Variants in SORCS3 observed in about 807,000 individuals in gnomAD.
SORCS3 encodes the protein sortilin related VPS10 domain containing receptor 3.
A neutral mutation model predicts 146.3 loss-of-function variants in SORCS3; 57 were observed. The ratio of observed to expected loss-of-function variants is 0.39; its 90% CI spans 0.31 to 0.49. The LOEUF (loss-of-function observed/expected upper bound fraction) is 0.49. Among genes scored for constraint, SORCS3 ranks in the 20% least tolerant of loss-of-function variants. SORCS3 has a pLI of 0.92. For synonymous variants in SORCS3, 653 were observed against 618.5 expected, an observed-to-expected ratio of 1.06 and a Z score of -0.83; for missense variants, 1,341 against 1,575.5, an observed-to-expected ratio of 0.85 and a Z score of 2.52.
At chr10:105,080,099 G>A (rs915106858) in intron 5 of SORCS3, among the ~76,000 whole-genome samples, 2 of 152,166 alleles carry the variant, frequency 1.3e-5, no homozygotes, top group African/African-American at 4.8e-5. Context: ...TGTTTCAAAA[G>A]GTAGTTCTGT....
intron 2 of SORCS3, among the ~76,000 whole-genome samples, chr10:104,915,041 G>T (rs2019010675): frequency 1.3e-5 from 2 of 152,112 alleles, no homozygotes; most frequent in African/African-American, 4.8e-5. Flanking sequence ...GTATGGCAGG[G>T]AGGTCAACTA....
chr10:104,925,437 G>A (rs777089736), intron 3 of SORCS3, among the ~76,000 whole-genome samples: 3 of 152,128 alleles, frequency 2.0e-5, no homozygotes, highest in African/African-American at 4.8e-5. Flanking sequence ...ACTCCCCCTG[G>A]TGGCAGAAAC....
At chr10:105,207,308 A>AATAT (rs2056608545) in intron 16 of SORCS3, among the ~76,000 whole-genome samples, 1 of 150,334 alleles carries the variant, frequency 6.7e-6, no homozygotes, top group East Asian at 1.9e-4. Flanking sequence ...TATTATTTCT[A>AATAT]AACTGTCCTG....
chr10:104,796,639 T>A (rs1329944356), intron 1 of SORCS3, among the ~76,000 whole-genome samples: 1 of 152,192 alleles, frequency 6.6e-6, no homozygotes, highest in Non-Finnish European at 1.5e-5. Flanking sequence ...TAATTATAGT[T>A]AAAAAAGAAT....
At chr10:104,837,970 TG>T (rs1290773260) in intron 1 of SORCS3, among the ~76,000 whole-genome samples, 1 of 152,200 alleles carries the variant, frequency 6.6e-6, no homozygotes, top group African/African-American at 2.4e-5. Flanking sequence ...TTGTGTGCTG[TG>T]GGGGCAATTT....
At chr10:105,164,956 A>T (rs2056299861) in intron 12 of SORCS3, among the ~76,000 whole-genome samples, 1 of 152,222 alleles carries the variant, frequency 6.6e-6, no homozygotes, top group Non-Finnish European at 1.5e-5. Flanking sequence ...TGTCCAATAG[A>T]ATGTTCAGCG....
chr10:105,089,470 GAGA>G (rs1475470577), intron 5 of SORCS3, among the ~76,000 whole-genome samples: 1 of 152,158 alleles, frequency 6.6e-6, no homozygotes, highest in Non-Finnish European at 1.5e-5. Flanking sequence ...GTGCAAGATG[GAGA>G]AGGCCAGGAG....
intron 1 of SORCS3, among the ~76,000 whole-genome samples, chr10:104,660,788 C>A (rs78959207): frequency 2.2e-3 from 338 of 152,276 alleles, no homozygotes; most frequent in African/African-American, 7.8e-3. Context: ...GTAGGACAGT[C>A]CAGACATCTT....
At chr10:104,768,170 T>C (rs2017204281) in intron 1 of SORCS3, among the ~76,000 whole-genome samples, 1 of 152,224 alleles carries the variant, frequency 6.6e-6, no homozygotes, top group South Asian at 2.1e-4. Context: ...AAGTACAGCT[T>C]CTTGAGCTCC....
At chr10:105,255,252 CAT>C (rs1480785697) in intron 23 of SORCS3, among the ~76,000 whole-genome samples, 1 of 148,820 alleles carries the variant, frequency 6.7e-6, no homozygotes, top group Non-Finnish European at 1.5e-5. Context: ...TGTTCTCACT[CAT>C]AGGTGGGAAT....
chr10:104,760,226 C>G (rs2017104512), intron 1 of SORCS3, among the ~76,000 whole-genome samples: 1 of 152,126 alleles, frequency 6.6e-6, no homozygotes, highest in South Asian at 2.1e-4. Context: ...TGCCTTGTCT[C>G]AGGGCCAGAC....
intron 9 of SORCS3, among the ~76,000 whole-genome samples, chr10:105,150,016 G>T (rs143429916): frequency 1.2e-3 from 178 of 152,204 alleles, no homozygotes; most frequent in Middle Eastern, 3.4e-3. Context: ...TCTTGATCTT[G>T]TTTTCCATTC....
intron 2 of SORCS3, among the ~76,000 whole-genome samples, chr10:104,850,960 T>G (rs1470102883): frequency 6.6e-6 from 1 of 152,240 alleles, no homozygotes; most frequent in Non-Finnish European, 1.5e-5. Context: ...AACTTGCTGT[T>G]CACTGATGGA....
chr10:105,056,331 C>T (rs1358031878), intron 5 of SORCS3, among the ~76,000 whole-genome samples: 1 of 152,152 alleles, frequency 6.6e-6, no homozygotes, highest in Non-Finnish European at 1.5e-5. Context: ...GCCTTCTGCA[C>T]CCCTCTAGTT....
intron 5 of SORCS3, among the ~76,000 whole-genome samples, chr10:105,083,037 C>G (rs1407796610): frequency 2.0e-5 from 3 of 152,108 alleles, no homozygotes; most frequent in African/African-American, 7.2e-5. Flanking sequence ...CCACGCCCGG[C>G]CTATGAACTT....
intron 8 of SORCS3, among the ~76,000 whole-genome samples, chr10:105,140,053 T>C (rs2056084811): frequency 6.6e-6 from 1 of 152,204 alleles, no homozygotes; most frequent in Non-Finnish European, 1.5e-5. Context: ...GGGGACCCCA[T>C]TCCTTGTGAA....
chr10:104,818,893 A>G (rs1367813009), intron 1 of SORCS3, among the ~76,000 whole-genome samples: 2 of 152,002 alleles, frequency 1.3e-5, no homozygotes, highest in South Asian at 4.2e-4. Context: ...ACCGTGTGGG[A>G]CTTTTTGTTT....
intron 9 of SORCS3, 77 bp from the exon 10 acceptor site, chr10:105,157,061 G>A (rs2297500): frequency 0.5 from 762,326 of 1,518,750 alleles, 197,568 homozygotes; most frequent in Admixed American, 0.56. Context: ...GAAATTCTGC[G>A]GCTTCTCTAA....
chr10:105,253,777 G>A (rs773730790), intron 23 of SORCS3, among the ~76,000 whole-genome samples: 3 of 152,158 alleles, frequency 2.0e-5, no homozygotes, highest in Non-Finnish European at 2.9e-5. Flanking sequence ...GACATTGAGC[G>A]GTAGAGATGT....
Sources: allele counts gnomAD v4.1 joint callset (sites outside exome capture counted in the v4.1 genomes callset), GRCh38; gene constraint gnomAD v4.1.1; transcripts MANE v1.5; gene names NCBI Gene and HGNC (gene_info 2026-07-23, HGNC 2026-07-21).